The following SNX5 variants were observed in gnomAD, a reference collection of about 807,000 sequenced individuals.
SNX5 encodes the protein sorting nexin-5.
SNX5 carries 31 observed loss-of-function variants against 53.9 expected under a neutral mutation model. The ratio of observed to expected loss-of-function variants is 0.58; its 90% CI spans 0.43 to 0.78. SNX5 has a LOEUF of 0.78. Among genes scored for constraint, SNX5 ranks in the 30% least tolerant of loss-of-function variants. The pLI, the probability that SNX5 is intolerant of heterozygous loss-of-function variation, is 0.00. For synonymous variants in SNX5, 168 were observed against 171.1 expected (o/e 0.98, Z 0.14); for missense variants, 471 against 478.8 (o/e 0.98, Z 0.15).
chr20:17,949,118 A>G lies in SNX5; in HGVS notation c.792-15T>C, dbSNP rs1382995481. The G allele has an allele frequency of 1.9e-6, 3 of 1,611,976 alleles. No homozygotes were observed. The highest frequency in any genetic ancestry group is 1.7e-5 in the Admixed American group (1 of 59,922). On this transcript the variant is annotated splice_polypyrimidine_tract_variant and intron_variant, in intron 8 of 12. Coordinates refer to ENST00000377759, the MANE Select transcript of SNX5 (RefSeq NM_014426.4). ...TCAATAGGTACCTGGAAATGTACAT[A>G]TAATTTTGGTTTAAGGTCTTAAATC...
intron 5 of SNX5, among the ~76,000 whole-genome samples, chr20:17,951,963 C>G (rs938860574): frequency 6.6e-6 from 1 of 152,218 alleles, no homozygotes; most frequent in Non-Finnish European, 1.5e-5. Flanking sequence ...GTGGCTCACG[C>G]CTGTAATCCC....
Position 17,968,694 on chromosome 20 carries a change from G to A in SNX5, c.-269C>T. On this transcript the variant is annotated 5_prime_UTR_variant, in exon 1 of 13. Transcript: ENST00000377759. ...GAGCCGGGCAAAGACGCCACGTGGG[G>A]CCTACCCTTGCTCCGCTCCACGAGG... The A allele has an allele frequency of 1.8e-6, 1 of 555,192 alleles. No homozygotes were observed. The highest frequency in any genetic ancestry group is 3.3e-6 in the Non-Finnish European group (1 of 305,790). The allele number at this position is 555,192 out of a possible 1,614,324, so 34.4% of individuals were successfully genotyped here. A position where few individuals can be genotyped will look rare whatever the true frequency, so the allele number is the denominator to read the frequency against.
chr20:17,956,673 C>CAAAAAAAAAAAAAAAAAAAAAAA (rs59252584), intron 2 of SNX5, among the ~76,000 whole-genome samples: 1 of 84,876 alleles, frequency 1.2e-5, no homozygotes, highest in Non-Finnish European at 2.2e-5. Context: ...AGACTGTCTC[C>CAAAAAAAAAAAAAAAAAAAAAAA]AAAAAAAAAA....
At chr20:17,947,334 A>T (rs1048811475) in intron 11 of SNX5, 152 bp downstream of exon 11, 9 of 734,144 alleles carry the variant, frequency 1.2e-5, no homozygotes, top group African/African-American at 1.8e-5. Flanking sequence ...AGCCATGAGG[A>T]TGACTGTGCA....
In SNX5 at chr20:17,943,102, A is replaced by G. The variant is rs1266209165; in HGVS notation, c.1164+8T>C. 1.9e-6 allele frequency: 3 copies of G among 1,570,848 alleles called. No individual in the cohort carries two copies. Among genetic ancestry groups the G allele is most frequent in the Non-Finnish European group, 2.6e-6 (3 of 1,141,970 alleles). ...AAGATGTTGGCTTCATCTGTAGAAA[A>G]CACTTACCCTGGCATGTTTTATTTC... On this transcript the variant is annotated splice_region_variant and intron_variant, in intron 12 of 12. Transcript: ENST00000377759.
In SNX5 at chr20:17,968,607, G is replaced by A; in HGVS notation, c.-182C>T. ...ACCATCCCAGCTGCCCCGGGAGCAG[G>A]CGAGCAGGGCGCCACGTGCTCCCCC... On this transcript the variant is annotated 5_prime_UTR_variant, in exon 1 of 13. Coordinates refer to ENST00000377759, the MANE Select transcript of SNX5 (RefSeq NM_014426.4). The A allele has an allele frequency of 1.6e-6, 1 of 634,258 alleles. No individual in the cohort carries two copies. The highest frequency in any genetic ancestry group is 2.8e-6 in the Non-Finnish European group (1 of 357,348). 39.3% of individuals were successfully genotyped at this position (634,258 alleles called of 1,614,324 possible). A position where few individuals can be genotyped will look rare whatever the true frequency, so the allele number is the denominator to read the frequency against.
intron 1 of SNX5, among the ~76,000 whole-genome samples, chr20:17,960,771 CAAAA>C (rs571474077): frequency 3.2e-5 from 3 of 92,802 alleles, no homozygotes; most frequent in East Asian, 3.9e-4. Flanking sequence ...AGCGAGTCTC[CAAAA>C]AAAAAAAAAA....
intron 1 of SNX5, among the ~76,000 whole-genome samples, chr20:17,960,612 A>G (rs1164733124): frequency 6.6e-6 from 1 of 151,702 alleles, no homozygotes; most frequent in Non-Finnish European, 1.5e-5. Context: ...CAAACAAACA[A>G]AAAAACACAC....
chr20:17,967,304 G>C (rs1568600277), intron 1 of SNX5, among the ~76,000 whole-genome samples: 1 of 149,210 alleles, frequency 6.7e-6, no homozygotes, highest in African/African-American at 2.5e-5. Context: ...AAGAATCGTG[G>C]TCTCAAGTTT....
chr20:17,956,482 A>G (rs1307482261), intron 2 of SNX5, among the ~76,000 whole-genome samples: 1 of 152,120 alleles, frequency 6.6e-6, no homozygotes, highest in African/African-American at 2.4e-5. Flanking sequence ...GAATCCCAGC[A>G]CTTTGGGAAG....
At chr20:17,958,762 G>A (rs1568595312) in intron 1 of SNX5, among the ~76,000 whole-genome samples, 1 of 151,998 alleles carries the variant, frequency 6.6e-6, no homozygotes. Flanking sequence ...CAGCTTTGGC[G>A]TATTTTCTGA....
At chr20:17,947,285 T>TA in intron 11 of SNX5, 1 of 552,986 alleles carries the variant, frequency 1.8e-6, no homozygotes, top group Non-Finnish European at 3.1e-6. Context: ...TCTCCAATGG[T>TA]ACAGAAAAAC....
At chr20:17,948,045 C>A (rs1394339006) in intron 10 of SNX5, among the ~76,000 whole-genome samples, 1 of 152,206 alleles carries the variant, frequency 6.6e-6, no homozygotes, top group African/African-American at 2.4e-5. Flanking sequence ...TAACCCTACC[C>A]TGCAAATCCT....
intron 12 of SNX5, chr20:17,942,635 C>T (rs1475911618): frequency 7.0e-6 from 4 of 571,918 alleles, no homozygotes; most frequent in Non-Finnish European, 9.4e-6. Context: ...AAAGAGCCGA[C>T]GTTCACTCCA....
intron 6 of SNX5, among the ~76,000 whole-genome samples, chr20:17,950,733 G>T (rs1018435286): frequency 3.3e-5 from 5 of 151,630 alleles, no homozygotes; most frequent in African/African-American, 4.9e-5. Flanking sequence ...TGTGAATGAG[G>T]TTTTTTTTTC....
At chr20:17,959,971 T>A (rs953661531) in intron 1 of SNX5, among the ~76,000 whole-genome samples, 1 of 152,144 alleles carries the variant, frequency 6.6e-6, no homozygotes, top group Non-Finnish European at 1.5e-5. Flanking sequence ...CACTTGAGTC[T>A]CTGACTTAGG....
intron 11 of SNX5, chr20:17,945,245 G>A (rs928319119): frequency 1.3e-5 from 2 of 152,180 alleles, no homozygotes; most frequent in African/African-American, 4.8e-5. Flanking sequence ...CACAGTACCA[G>A]GGCTCCATAC....
Position 17,951,504 on chromosome 20 carries a change from ACTC to A in SNX5, c.602_604del (p.Gly201del). The A allele has an allele frequency of 1.2e-6, 2 of 1,607,566 alleles. No homozygotes were observed. Among genetic ancestry groups the A allele is most frequent in the Non-Finnish European group, 1.7e-6 (2 of 1,175,804 alleles). Reference sequence around the variant, plus strand: ...CAACAGCCAAAGGTCACTTACCTTAACTCCAGTAAAAAGGACTTCATCAGCACT... The same window carrying A: ...CAACAGCCAAAGGTCACTTACCTTAACAGTAAAAAGGACTTCATCAGCACT... On this transcript the variant is annotated inframe_deletion, in exon 6 of 13. Coordinates refer to ENST00000377759, the MANE Select transcript of SNX5 (RefSeq NM_014426.4).
chr20:17,957,460 A>G (rs544994853), intron 1 of SNX5, among the ~76,000 whole-genome samples: 1 of 151,846 alleles, frequency 6.6e-6, no homozygotes, highest in Non-Finnish European at 1.5e-5. Flanking sequence ...ATTAAAAATT[A>G]AAAAAAAGAA....
Sources: allele counts gnomAD v4.1 joint callset (sites outside exome capture counted in the v4.1 genomes callset), GRCh38; gene constraint gnomAD v4.1.1; transcripts MANE v1.5; gene names NCBI Gene and HGNC (gene_info 2026-07-23, HGNC 2026-07-21).